THSD4: variants seen among roughly 807,000 people sequenced by gnomAD.
The protein encoded by THSD4 is thrombospondin type-1 domain-containing protein 4.
In THSD4, 69 loss-of-function variants were observed where a neutral mutation model predicts 119.0. That is an observed-to-expected ratio of 0.58 (90% confidence interval 0.48 to 0.71). The LOEUF is 0.71. THSD4 is among the 30% of genes least tolerant of loss of function. The pLI, the probability that THSD4 is intolerant of heterozygous loss-of-function variation, is 0.00. For missense variants in THSD4, 1,393 were observed against 1,391.1 expected, an observed-to-expected ratio of 1.00 and a Z score of -0.02; for synonymous variants, 524 against 540.4, an observed-to-expected ratio of 0.97 and a Z score of 0.42.
At chr15:71,716,909 A>C (rs2052622106) in intron 8 of THSD4, among the ~76,000 whole-genome samples, 2 of 152,132 alleles carry the variant, frequency 1.3e-5, no homozygotes, top group Admixed American at 1.3e-4. Flanking sequence ...ATGTTTCTCC[A>C]TGGGAACTTC....
At chr15:71,220,891 G>T (rs1361268111) in intron 4 of THSD4, among the ~76,000 whole-genome samples, 1 of 152,112 alleles carries the variant, frequency 6.6e-6, no homozygotes, top group East Asian at 1.9e-4. Context: ...CTCCACAAAG[G>T]GTGGCATTCT....
At chr15:71,696,759 A>G (rs1465264254) in intron 8 of THSD4, among the ~76,000 whole-genome samples, 12 of 152,332 alleles carry the variant, frequency 7.9e-5, no homozygotes, top group Non-Finnish European at 2.9e-5. Context: ...ATCCAAGCAC[A>G]GGAAAACTCA....
At chr15:71,539,105 C>T (rs1002058305) in intron 7 of THSD4, among the ~76,000 whole-genome samples, 1 of 152,240 alleles carries the variant, frequency 6.6e-6, no homozygotes, top group Non-Finnish European at 1.5e-5. Flanking sequence ...TGTAGATTCT[C>T]ATGATTGTCC....
intron 7 of THSD4, among the ~76,000 whole-genome samples, chr15:71,584,544 T>C (rs776483125): frequency 3.7e-4 from 56 of 151,920 alleles, no homozygotes; most frequent in Non-Finnish European, 6.3e-4. Context: ...GCTGGAATTA[T>C]AGACATGAGC....
chr15:71,358,022 G>A (rs1343841310), intron 6 of THSD4, among the ~76,000 whole-genome samples: 1 of 152,178 alleles, frequency 6.6e-6, no homozygotes, highest in Non-Finnish European at 1.5e-5. Context: ...CATGAGAACT[G>A]GAGGCTCAGC....
intron 6 of THSD4, among the ~76,000 whole-genome samples, chr15:71,318,183 G>T (rs964840086): frequency 6.6e-6 from 1 of 152,144 alleles, no homozygotes; most frequent in Non-Finnish European, 1.5e-5. Context: ...CTTCCCAGGA[G>T]GCATGCCATG....
chr15:71,385,342 G>T (rs893077563), intron 6 of THSD4, among the ~76,000 whole-genome samples: 1 of 152,266 alleles, frequency 6.6e-6, no homozygotes, highest in African/African-American at 2.4e-5. Context: ...GGGGTCATTG[G>T]AGTCTGACTT....
At chr15:71,740,164 G>A (rs1484062423) in intron 11 of THSD4, among the ~76,000 whole-genome samples, 1 of 151,966 alleles carries the variant, frequency 6.6e-6, no homozygotes, top group Non-Finnish European at 1.5e-5. Context: ...CAGATTCATT[G>A]GACCAACTTC....
intron 7 of THSD4, among the ~76,000 whole-genome samples, chr15:71,584,758 T>C (rs2049631136): frequency 1.3e-5 from 2 of 152,184 alleles, no homozygotes; most frequent in Non-Finnish European, 1.5e-5. Context: ...TTCTGTTTTT[T>C]AGTTCCTTTT....
intron 6 of THSD4, among the ~76,000 whole-genome samples, chr15:71,295,413 G>A (rs186816333): frequency 6.6e-6 from 1 of 152,222 alleles, no homozygotes; most frequent in Admixed American, 6.5e-5. Flanking sequence ...AGCTTCCTGC[G>A]AGTTAAGGGG....
intron 14 of THSD4, among the ~76,000 whole-genome samples, chr15:71,749,697 T>TTTTTTAATTTA (rs748022578): frequency 7.3e-6 from 1 of 137,630 alleles, no homozygotes; most frequent in African/African-American, 2.7e-5. Context: ...ATTTTTAAAT[T>TTTTTTAATTTA]TTTATTTATT....
intron 7 of THSD4, among the ~76,000 whole-genome samples, chr15:71,637,439 C>T (rs1595814598): frequency 1.3e-5 from 2 of 151,984 alleles, no homozygotes; most frequent in South Asian, 2.1e-4. Context: ...ATCTCAGTGT[C>T]GTGGAAGGCA....
chr15:71,638,841 C>G (rs35646836), intron 7 of THSD4, among the ~76,000 whole-genome samples: 1 of 152,290 alleles, frequency 6.6e-6, no homozygotes, highest in African/African-American at 2.4e-5. Context: ...ATATCAGTGG[C>G]TTAATACAAT....
At chr15:71,316,560 C>G (rs1253000159) in intron 6 of THSD4, among the ~76,000 whole-genome samples, 1 of 152,176 alleles carries the variant, frequency 6.6e-6, no homozygotes, top group Non-Finnish European at 1.5e-5. Context: ...CTTAAATATA[C>G]TACACACCAA....
At chr15:71,531,025 A>G (rs372699961) in intron 7 of THSD4, among the ~76,000 whole-genome samples, 2 of 152,260 alleles carry the variant, frequency 1.3e-5, no homozygotes, top group East Asian at 1.9e-4. Flanking sequence ...ATGTGCTTCT[A>G]TCAGAGACCT....
chr15:71,276,883 G>A (rs542659769), intron 6 of THSD4, among the ~76,000 whole-genome samples: 171 of 152,310 alleles, frequency 1.1e-3, no homozygotes, highest in African/African-American at 3.8e-3. Context: ...GGGTGAAATT[G>A]TCAGGGGCTG....
intron 3 of THSD4, among the ~76,000 whole-genome samples, chr15:71,200,217 C>A (rs1289017654): frequency 6.6e-6 from 1 of 152,222 alleles, no homozygotes; most frequent in Non-Finnish European, 1.5e-5. Context: ...CTGTTGTTCA[C>A]CGAGTCATTG....
At chr15:71,510,767 G>A (rs531381583) in intron 7 of THSD4, among the ~76,000 whole-genome samples, 2 of 152,274 alleles carry the variant, frequency 1.3e-5, no homozygotes, top group East Asian at 3.9e-4. Flanking sequence ...CTTAACAACA[G>A]CAGGTAGAGT....
intron 6 of THSD4, among the ~76,000 whole-genome samples, chr15:71,377,793 C>T (rs1209937128): frequency 6.6e-6 from 1 of 151,616 alleles, no homozygotes; most frequent in Admixed American, 6.6e-5. Flanking sequence ...ATACAGAAGT[C>T]ATTCTTTAAA....
Sources: gnomAD v4.1 joint callset for allele counts (sites outside exome capture counted in the v4.1 genomes callset) on GRCh38, gnomAD v4.1.1 for gene constraint, MANE v1.5 for transcripts, NCBI Gene and HGNC (gene_info 2026-07-23, HGNC 2026-07-21) for gene names.